RTN1: variants seen among roughly 807,000 people sequenced by gnomAD.
RTN1 encodes the protein reticulon 1.
A neutral mutation model predicts 65.5 loss-of-function variants in RTN1; 25 were observed. That is an observed-to-expected ratio of 0.38 (90% confidence interval 0.28 to 0.53). The LOEUF is 0.53. Among genes scored for constraint, RTN1 ranks in the 20% least tolerant of loss-of-function variants. The probability of loss-of-function intolerance (pLI) is 0.79; values close to 1 mark genes in which losing one functional copy is unlikely to be tolerated. For synonymous variants in RTN1, 471 were observed against 447.6 expected, an observed-to-expected ratio of 1.05 and a Z score of -0.66; for missense variants, 983 against 1,025.4, an observed-to-expected ratio of 0.96 and a Z score of 0.57.
chr14:59,674,538 T>A (rs1171957695), intron 3 of RTN1, among the ~76,000 whole-genome samples: 1 of 152,186 alleles, frequency 6.6e-6, no homozygotes, highest in East Asian at 1.9e-4. Flanking sequence ...ATTGCCAGGC[T>A]CTAAAAATGC....
At chr14:59,719,972 A>C (rs568264800) in intron 3 of RTN1, among the ~76,000 whole-genome samples, 1 of 152,308 alleles carries the variant, frequency 6.6e-6, no homozygotes, top group South Asian at 2.1e-4. Context: ...CTCCCTCTAC[A>C]GGCAAGTTTA....
intron 1 of RTN1, among the ~76,000 whole-genome samples, chr14:59,797,728 G>A (rs79731888): frequency 0.012 from 1,903 of 152,276 alleles, 38 homozygotes; most frequent in African/African-American, 0.043. Context: ...TTATAAAGAA[G>A]TAGAAGTACC....
intron 3 of RTN1, among the ~76,000 whole-genome samples, chr14:59,646,092 A>G (rs1882890099): frequency 6.6e-6 from 1 of 152,242 alleles, no homozygotes; most frequent in Non-Finnish European, 1.5e-5. Context: ...CGAAGCTGAC[A>G]GATAAAATAG....
chr14:59,697,829 T>C (rs185657320), intron 3 of RTN1, among the ~76,000 whole-genome samples: 5 of 152,272 alleles, frequency 3.3e-5, no homozygotes, highest in African/African-American at 1.2e-4. Flanking sequence ...AAATTGGGTG[T>C]GCACAGTGAG....
chr14:59,673,959 G>A (rs189820099), intron 3 of RTN1, among the ~76,000 whole-genome samples: 1 of 152,234 alleles, frequency 6.6e-6, no homozygotes, highest in East Asian at 1.9e-4. Flanking sequence ...TATATCCCTA[G>A]TTTTACTTGT....
chr14:59,856,568 A>C (rs1213124000), intron 1 of RTN1, among the ~76,000 whole-genome samples: 1 of 151,992 alleles, frequency 6.6e-6, no homozygotes, highest in African/African-American at 2.4e-5. Context: ...CTCACAGATC[A>C]CTCATCAGGA....
intron 3 of RTN1, among the ~76,000 whole-genome samples, chr14:59,687,976 T>A (rs1883883257): frequency 6.6e-6 from 1 of 152,044 alleles, no homozygotes; most frequent in Non-Finnish European, 1.5e-5. Context: ...ACCATTCCTG[T>A]GAAGAGATAT....
At chr14:59,644,593 G>A (rs763787220) in intron 3 of RTN1, among the ~76,000 whole-genome samples, 10 of 152,178 alleles carry the variant, frequency 6.6e-5, no homozygotes, top group East Asian at 1.9e-4. Context: ...TACATACCCC[G>A]AGGAAAGGGG....
chr14:59,638,462 T>C (rs544401393), intron 3 of RTN1, among the ~76,000 whole-genome samples: 86 of 152,204 alleles, frequency 5.7e-4, no homozygotes, highest in Non-Finnish European at 9.3e-4. Flanking sequence ...AGATTTAACA[T>C]AATTCTTAAG....
In RTN1 at chr14:59,832,573, T is replaced by C. The variant is rs576829786; in HGVS notation, c.241+37817A>G. Among the ~76,000 whole-genome samples, 128 of 152,348 alleles carry C rather than the reference T, an allele frequency of 8.4e-4. 1 individual carries two copies. The highest frequency in any genetic ancestry group is 3.0e-3 in the African/African-American group (125 of 41,574). On this transcript the variant is annotated intron_variant, in intron 1 of 8. Transcript: ENST00000267484. ...ATCTGTAAGAAAGCCAACATCTTTC[T>C]AAAGCTTGGAGGAAATGTCTTGAGG...
At chr14:59,723,941 TA>T (rs1235495604) in intron 3 of RTN1, among the ~76,000 whole-genome samples, 1 of 152,214 alleles carries the variant, frequency 6.6e-6, no homozygotes, top group Non-Finnish European at 1.5e-5. Flanking sequence ...TACAATCACA[TA>T]GGTTTGGTAA....
At position 59,836,406 on chromosome 14, in the gene RTN1, C is replaced by T. The variant is rs1887213654; in HGVS notation, c.241+33984G>A. Among the ~76,000 whole-genome samples, 1 of 152,204 alleles carries T rather than the reference C, an allele frequency of 6.6e-6. No homozygotes were observed. Among genetic ancestry groups the T allele is most frequent in the African/African-American group, 2.4e-5 (1 of 41,442 alleles). ...TTATAGAGATGAGGACTCTCAGGCA[C>T]AGAGAGATTAAGGAACTCCCCACAT... On this transcript the variant is annotated intron_variant, in intron 1 of 8. Coordinates refer to ENST00000267484, the MANE Select transcript of RTN1 (RefSeq NM_021136.3). The surrounding 1 kb of genome is among the most constrained non-coding windows in gnomAD (Gnocchi z 4.9).
chr14:59,863,123 C>T (rs1178521382), intron 1 of RTN1, among the ~76,000 whole-genome samples: 3 of 152,046 alleles, frequency 2.0e-5, no homozygotes, highest in Non-Finnish European at 1.5e-5. Flanking sequence ...AGGAAATGCC[C>T]CCACCTCCCG....
intron 1 of RTN1, among the ~76,000 whole-genome samples, chr14:59,840,966 T>C (rs979210220): frequency 6.6e-5 from 10 of 152,216 alleles, no homozygotes; most frequent in Admixed American, 3.3e-4. Context: ...TTTAAGTAAT[T>C]AGCATTCTTC....
At chr14:59,662,997 T>C (rs887554606) in intron 3 of RTN1, among the ~76,000 whole-genome samples, 20 of 152,054 alleles carry the variant, frequency 1.3e-4, no homozygotes, top group Non-Finnish European at 1.3e-4. Context: ...GGAGGCATCA[T>C]GCTACCTGAC....
chr14:59,773,208 A>G (rs1885990097), intron 1 of RTN1, among the ~76,000 whole-genome samples: 1 of 152,156 alleles, frequency 6.6e-6, no homozygotes, highest in African/African-American at 2.4e-5. Context: ...TAAATCTATG[A>G]GACATATTTC....
intron 3 of RTN1, among the ~76,000 whole-genome samples, chr14:59,686,950 T>C (rs997802119): frequency 6.6e-6 from 1 of 152,188 alleles, no homozygotes; most frequent in Non-Finnish European, 1.5e-5. Context: ...TAGTCTTAGG[T>C]CAGAGACTGA....
intron 1 of RTN1, among the ~76,000 whole-genome samples, chr14:59,863,205 C>CA (rs150450189): frequency 0.17 from 25,711 of 148,562 alleles, 2,770 homozygotes; most frequent in African/African-American, 0.3. Flanking sequence ...TTCTCCATAG[C>CA]AAAAAAAAAA....
chr14:59,819,993 C>T (rs1417812768), intron 1 of RTN1, among the ~76,000 whole-genome samples: 6 of 152,244 alleles, frequency 3.9e-5, no homozygotes, highest in African/African-American at 1.4e-4. Context: ...GGGGCTCTCA[C>T]AGTGCAGCGG....
Sources: gnomAD v4.1 joint callset for allele counts (sites outside exome capture counted in the v4.1 genomes callset) on GRCh38, gnomAD v4.1.1 for gene constraint, Gnocchi (gnomAD v3.1) non-coding constraint, MANE v1.5 for transcripts, NCBI Gene and HGNC (gene_info 2026-07-23, HGNC 2026-07-21) for gene names.